Variants in VWA8 observed in about 807,000 individuals in gnomAD.
The protein encoded by VWA8 is von Willebrand factor A domain containing 8, also known as von Willebrand factor A domain-containing protein 8.
In VWA8, 221 loss-of-function variants were observed where a neutral mutation model predicts 241.5. That is an observed-to-expected ratio of 0.91 (90% CI 0.82 to 1.02). The LOEUF (loss-of-function observed/expected upper bound fraction) is 1.02, where lower values mean the gene tolerates loss of function less well. Ranked by LOEUF, VWA8 falls within the 50% of genes least tolerant of loss-of-function variation. VWA8 has a pLI of 0.00. For missense variants in VWA8, 2,322 were observed against 2,328.7 expected (o/e 1.00, Z 0.06); for synonymous variants, 852 against 827.1 (o/e 1.03, Z -0.52).
intron 21 of VWA8, among the ~76,000 whole-genome samples, chr13:41,758,398 GTATATATATA>G (rs1236188354): frequency 9.2e-4 from 23 of 25,006 alleles, no homozygotes; most frequent in African/African-American, 1.9e-3. Context: ...ATATACGCTA[GTATATATATA>G]TATATATATA....
chr13:41,673,074 T>G (rs1171794466), intron 36 of VWA8, among the ~76,000 whole-genome samples: 1 of 152,200 alleles, frequency 6.6e-6, no homozygotes, highest in Non-Finnish European at 1.5e-5. Flanking sequence ...AGGTCTAAAA[T>G]CTTTTCTTCA....
chr13:41,855,553 T>C (rs1172149676), intron 12 of VWA8, among the ~76,000 whole-genome samples: 1 of 151,808 alleles, frequency 6.6e-6, no homozygotes. Flanking sequence ...AAATGTATTA[T>C]ATAAGTGAAA....
chr13:41,712,809 ATAATAGAAAAAAATTACT>A (rs1342358307), intron 26 of VWA8, among the ~76,000 whole-genome samples: 2 of 152,216 alleles, frequency 1.3e-5, no homozygotes, highest in Non-Finnish European at 2.9e-5. Flanking sequence ...AACCTAATAG[ATAATAGAAAAAAATTACT>A]TAATAGAAAA....
At chr13:41,601,421 GA>G (rs71200185) in intron 40 of VWA8, among the ~76,000 whole-genome samples, 1 of 151,886 alleles carries the variant, frequency 6.6e-6, no homozygotes, top group Non-Finnish European at 1.5e-5. Flanking sequence ...CACCACAGGG[GA>G]AAAAAGGAAC....
At chr13:41,571,048 A>AAAAT (rs1406532247) in intron 43 of VWA8, among the ~76,000 whole-genome samples, 2 of 152,186 alleles carry the variant, frequency 1.3e-5, no homozygotes, top group African/African-American at 4.8e-5. Context: ...ACACAGGAGG[A>AAAAT]AAATAAGGAA....
Position 41,579,248 on chromosome 13 carries a change from T to A in VWA8, c.5272-3410A>T, listed in dbSNP as rs540190923. ...TCTCATGTCCTTCTAGAAATATAAA[T>A]ACACCATTCTCATTCTCCTGTGTGC... On this transcript the variant is annotated intron_variant, in intron 42 of 44. Transcript: ENST00000379310. Among the ~76,000 whole-genome samples the A allele has an allele frequency of 3.3e-5, 5 of 152,318 alleles. No homozygotes were observed. The East Asian group carries it at 9.6e-4, about 29-fold the overall frequency.
intron 20 of VWA8, among the ~76,000 whole-genome samples, chr13:41,763,041 G>A (rs1474160429): frequency 6.6e-6 from 1 of 152,030 alleles, no homozygotes; most frequent in Non-Finnish European, 1.5e-5. Flanking sequence ...GCTTAAGTGG[G>A]AGGATCACTT....
At chr13:41,659,160 C>G (rs369489471) in intron 37 of VWA8, among the ~76,000 whole-genome samples, 5 of 152,352 alleles carry the variant, frequency 3.3e-5, no homozygotes, top group African/African-American at 2.4e-5. Context: ...CATCACCCAT[C>G]ATGACCTTGT....
At chr13:41,810,299 C>T (rs1248638524) in intron 17 of VWA8, among the ~76,000 whole-genome samples, 1 of 152,096 alleles carries the variant, frequency 6.6e-6, no homozygotes, top group South Asian at 2.1e-4. Context: ...AAAGAAAATC[C>T]ATATATTGAA....
At chr13:41,905,840 T>C (rs527599847) in intron 4 of VWA8, among the ~76,000 whole-genome samples, 1 of 152,226 alleles carries the variant, frequency 6.6e-6, no homozygotes, top group Admixed American at 6.5e-5. Flanking sequence ...ACATCAGCAT[T>C]CACATCATGA....
At chr13:41,629,063 A>C (rs2044710956) in intron 37 of VWA8, among the ~76,000 whole-genome samples, 1 of 151,920 alleles carries the variant, frequency 6.6e-6, no homozygotes, top group Non-Finnish European at 1.5e-5. Context: ...AAAACAAGCA[A>C]ACAAACAAAC....
intron 37 of VWA8, among the ~76,000 whole-genome samples, chr13:41,661,599 T>A (rs1374720791): frequency 6.6e-6 from 1 of 152,200 alleles, no homozygotes; most frequent in African/African-American, 2.4e-5. Flanking sequence ...TTTTTTTTCT[T>A]TAACACTCTG....
rs1360615919 is a variant in VWA8 at position 41,833,495 on chromosome 13, T to C, written c.1462A>G (p.Thr488Ala). 5.6e-6 allele frequency: 9 copies of C among 1,613,626 alleles called. No homozygotes were observed. The highest frequency in any genetic ancestry group is 7.6e-6 in the Non-Finnish European group (9 of 1,179,822). ...TARDLLQQRYTLPNGDTAWRS... is the reference protein window; with the variant it reads ...TARDLLQQRYALPNGDTAWRS... The stretch of plus-strand genomic sequence containing the variant: ...CAGGCAGTGTCTCCATTTGGAAGGG[T>C]GTATCTCTGCTGTAGCAGATCACGC... Residue 488 changes from threonine to alanine, a missense_variant, in exon 13 of 45, where the codon ACC becomes GCC. Physicochemically the swap from Thr to Ala is moderately conservative, Grantham distance 58. Transcript: ENST00000379310.
chr13:41,848,413 C>G (rs984707389), intron 12 of VWA8, among the ~76,000 whole-genome samples: 4 of 152,128 alleles, frequency 2.6e-5, no homozygotes, highest in Non-Finnish European at 5.9e-5. Context: ...GTGTCCCCAC[C>G]CAAATCTCAC....
intron 37 of VWA8, among the ~76,000 whole-genome samples, chr13:41,642,330 C>T (rs2044800788): frequency 6.6e-6 from 1 of 151,984 alleles, no homozygotes; most frequent in Non-Finnish European, 1.5e-5. Context: ...AATGCTGAGG[C>T]AGGCAGATCA....
chr13:41,615,062 C>T lies in VWA8; in HGVS notation c.4634G>A (p.Gly1545Asp). 1 of 1,613,882 alleles carries T rather than the reference C, an allele frequency of 6.2e-7. No individual in the cohort carries two copies. The highest frequency in any genetic ancestry group is 1.1e-5 in the South Asian group (1 of 91,070). The change falls in exon 38 of 45, where the codon GGT becomes GAT. Residue 1545 changes from glycine (G) to aspartate (D), a missense_variant. Physicochemically the swap from Gly to Asp is moderately conservative, Grantham distance 94 (BLOSUM62 -1). Transcript: ENST00000379310. ...NMQITINRDSGEDVSSPKHGK... is the reference protein window; with the variant it reads ...NMQITINRDSDEDVSSPKHGK... ...GTGTTTGGGGGAGCTTACATCTTCA[C>T]CACTGTCTCTGTTGATTGTTATCTA... is the stretch of plus-strand genomic sequence containing the variant.
intron 3 of VWA8, among the ~76,000 whole-genome samples, chr13:41,911,062 C>CTTTT (rs5803108): frequency 3.1e-5 from 3 of 97,966 alleles, no homozygotes; most frequent in African/African-American, 6.9e-5. Flanking sequence ...CATTTTCTTT[C>CTTTT]TTTTTTTTTT....
At chr13:41,861,961 A>C (rs1337379064) in intron 12 of VWA8, among the ~76,000 whole-genome samples, 1 of 152,228 alleles carries the variant, frequency 6.6e-6, no homozygotes, top group African/African-American at 2.4e-5. Flanking sequence ...AAATTCATAT[A>C]GACTCAAAAA....
chr13:41,787,046 C>T, intron 18 of VWA8, among the ~76,000 whole-genome samples: 1 of 150,884 alleles, frequency 6.6e-6, no homozygotes, highest in Admixed American at 6.7e-5. Context: ...TCTTATAGGA[C>T]ATCGCTGACC....
Sources: gnomAD v4.1 joint callset for allele counts (sites outside exome capture counted in the v4.1 genomes callset) on GRCh38, gnomAD v4.1.1 for gene constraint, MANE v1.5 for transcripts, NCBI Gene and HGNC (gene_info 2026-07-23, HGNC 2026-07-21) for gene names.